The following FANCE variants were observed in gnomAD, a reference collection of about 807,000 sequenced individuals.
FANCE encodes the protein FA complementation group E, also known as Fanconi anemia group E protein.
Under a neutral mutation model 57.8 loss-of-function variants are expected in FANCE, and 42 were observed. The observed-to-expected ratio is 0.73, with a 90% confidence interval of 0.57 to 0.94. FANCE has a LOEUF of 0.94. Ranked by LOEUF, FANCE falls within the 40% of genes least tolerant of loss-of-function variation. FANCE has a pLI of 0.00. For synonymous variants in FANCE, 251 were observed against 286.4 expected, an observed-to-expected ratio of 0.88 and a Z score of 1.25; for missense variants, 608 against 661.8, an observed-to-expected ratio of 0.92 and a Z score of 0.89.
chr6:35,463,577 G>A (rs1438652705), intron 9 of FANCE, among the ~76,000 whole-genome samples: 1 of 151,962 alleles, frequency 6.6e-6, no homozygotes, highest in South Asian at 2.1e-4. Context: ...GGAGCCAGGT[G>A]AGAGGTGTGC....
chr6:35,465,896 TCTC>T (rs1477449649), intron 9 of FANCE, among the ~76,000 whole-genome samples: 1 of 152,174 alleles, frequency 6.6e-6, no homozygotes, highest in African/African-American at 2.4e-5. Context: ...ACCTCAGTTT[TCTC>T]CTCTGTAAAA....
chr6:35,461,261 T>C (rs1004064011), intron 8 of FANCE, among the ~76,000 whole-genome samples: 3 of 152,154 alleles, frequency 2.0e-5, no homozygotes, highest in Non-Finnish European at 4.4e-5. Flanking sequence ...TGGGCTCAAG[T>C]GATCTGCCCT....
Position 35,452,446 on chromosome 6 carries a change from C to T in FANCE, c.-100C>T, listed in dbSNP as rs374493565. Reference sequence around the variant, plus strand: ...AACAGGCGCTGGAGCTGGCCCGCCACCGCCGCGTCAGGGACGGCGCTGGAG... The same window carrying T: ...AACAGGCGCTGGAGCTGGCCCGCCATCGCCGCGTCAGGGACGGCGCTGGAG... On this transcript the variant is annotated 5_prime_UTR_variant, in exon 1 of 10. Coordinates refer to ENST00000229769, the MANE Select transcript of FANCE (RefSeq NM_021922.3). 44 of 1,145,766 alleles carry T rather than the reference C, an allele frequency of 3.8e-5. No individual in the cohort carries two copies. The highest frequency in any genetic ancestry group is 3.2e-4 in the African/African-American group (20 of 62,078). 71.0% of individuals were successfully genotyped at this position (1,145,766 alleles called of 1,614,324 possible). A position where few individuals can be genotyped will look rare whatever the true frequency, so the allele number is the denominator to read the frequency against.
rs571333948 is a variant in FANCE, at chr6:35,457,173, C to G, written c.856-383C>G. 1.2e-4 allele frequency among the ~76,000 whole-genome samples: 18 copies of G among 152,062 alleles called. No homozygotes were observed. In the South Asian group the frequency reaches 3.7e-3, roughly 32 times the overall value. On this transcript the variant is annotated intron_variant, in intron 2 of 9. Coordinates refer to ENST00000229769, the MANE Select transcript of FANCE (RefSeq NM_021922.3). ...CAGGGTCCCTCTCTTCTCCCCCAGG[C>G]TGGGGTGAAGGGGCATGAATATAAC...
chr6:35,465,023 C>T (rs918655563), intron 9 of FANCE, among the ~76,000 whole-genome samples: 4 of 151,902 alleles, frequency 2.6e-5, no homozygotes, highest in South Asian at 2.1e-4. Flanking sequence ...TGTGAGCCAC[C>T]GCGCCTGGCC....
rs529731374 is a variant in FANCE, at chr6:35,464,955, C to T, written c.1510-1289C>T. Among the ~76,000 whole-genome samples the T allele has an allele frequency of 6.6e-5, 10 of 150,806 alleles. No homozygotes were observed. In the East Asian group the frequency reaches 8.0e-4, roughly 12 times the overall value. ...TTCACTGTGTTAGCCAGGATGGTCTCGATCTCCTGACCTTGTGATCCACCC... is the reference window on the plus strand; with the variant it reads ...TTCACTGTGTTAGCCAGGATGGTCTTGATCTCCTGACCTTGTGATCCACCC... On this transcript the variant is annotated intron_variant, in intron 9 of 9. Transcript: ENST00000229769.
intron 9 of FANCE, among the ~76,000 whole-genome samples, chr6:35,463,746 C>G (rs1767689628): frequency 6.6e-6 from 1 of 151,480 alleles, no homozygotes; most frequent in Admixed American, 6.6e-5. Flanking sequence ...ACTGCAACCT[C>G]TGCCTCCTAG....
At chr6:35,454,277 G>A (rs1767233875) in intron 1 of FANCE, among the ~76,000 whole-genome samples, 2 of 152,082 alleles carry the variant, frequency 1.3e-5, no homozygotes, top group South Asian at 2.1e-4. Flanking sequence ...GGCTGGGCTG[G>A]TCTGGAACTC....
At position 35,456,065 on chromosome 6, in the gene FANCE, G is replaced by A. The variant is rs1195051716; in HGVS notation, c.567G>A (p.Glu189=). 4 of 1,613,640 alleles carry A rather than the reference G, an allele frequency of 2.5e-6. No homozygotes were observed. Among genetic ancestry groups the A allele is most frequent in the Non-Finnish European group, 3.4e-6 (4 of 1,179,874 alleles). ...CCCAGGCTCCAGACCCTGAAGAAGA[G>A]GAGAACAGGGACTCCCAGCAGCCTG... ...KSPQAPDPEE[E]ENRDSQQPGK... is the part of the protein sequence containing the mutation. The change falls in exon 2 of 10, where the codon GAG becomes GAA. Residue 189 remains glutamate (E), a synonymous_variant. Transcript: ENST00000229769. The surrounding 1 kb of genome is among the most constrained non-coding windows in gnomAD (Gnocchi z 4.3).
Position 35,452,800 on chromosome 6 carries a change from C to T in FANCE, c.248+7C>T. On this transcript the variant is annotated splice_region_variant and intron_variant, in intron 1 of 9. Transcript: ENST00000229769. The stretch of plus-strand genomic sequence containing the variant: ...CTGACGGCCGTCTGGAGCTGTAAGT[C>T]CTCGCCCGCGGCCCCTTAGCAGGTA... The T allele has an allele frequency of 7.6e-7, 1 of 1,314,010 alleles. No homozygotes were observed. The highest frequency in any genetic ancestry group is 9.8e-7 in the Non-Finnish European group (1 of 1,025,192). 81.4% of individuals were successfully genotyped at this position (1,314,010 alleles called of 1,614,324 possible). A position where few individuals can be genotyped will look rare whatever the true frequency, so the allele number is the denominator to read the frequency against.
rs1767845201 is a variant in FANCE at position 35,466,515 on chromosome 6, CAG to C, written c.*171_*172del. ...GGCTGCATAGGGAATATTGGCTTCC[CAG>C]CCAGCAGGGAGGCTCCTGGGCTAAG... On this transcript the variant is annotated 3_prime_UTR_variant, in exon 10 of 10. Transcript: ENST00000229769. The C allele has an allele frequency of 3.1e-6, 2 of 653,060 alleles. No individual in the cohort carries two copies. Among genetic ancestry groups the C allele is most frequent in the Non-Finnish European group, 5.6e-6 (2 of 358,142 alleles). The allele number at this position is 653,060 out of a possible 1,614,324, so 40.5% of individuals were successfully genotyped here. A position where few individuals can be genotyped will look rare whatever the true frequency, so the allele number is the denominator to read the frequency against.
chr6:35,455,024 A>G (rs1197000577), intron 1 of FANCE, among the ~76,000 whole-genome samples: 1 of 152,168 alleles, frequency 6.6e-6, no homozygotes, highest in Non-Finnish European at 1.5e-5. Context: ...CAGATGACTG[A>G]CCCCGAGAGT....
intron 1 of FANCE, among the ~76,000 whole-genome samples, chr6:35,455,469 G>A (rs1689734255): frequency 6.6e-6 from 1 of 152,006 alleles, no homozygotes; most frequent in Non-Finnish European, 1.5e-5. Flanking sequence ...CACCATGCCC[G>A]TCTAATTTTT....
chr6:35,462,555 T>C (rs537929532), intron 8 of FANCE, among the ~76,000 whole-genome samples: 10 of 152,338 alleles, frequency 6.6e-5, no homozygotes, highest in Non-Finnish European at 1.5e-4. Flanking sequence ...GCCACCATTT[T>C]CTGAGACCTG....
At position 35,466,572 on chromosome 6, in the gene FANCE, C is replaced by A. The variant is rs1457262809; in HGVS notation, c.*227C>A. Reference sequence around the variant, plus strand: ...CTCAGCTATATTTTCTTTTTCATTTCTTTTGTTTTTGAGAGAAGGTATTGC... The same window carrying A: ...CTCAGCTATATTTTCTTTTTCATTTATTTTGTTTTTGAGAGAAGGTATTGC... On this transcript the variant is annotated 3_prime_UTR_variant, in exon 10 of 10. Coordinates refer to ENST00000229769, the MANE Select transcript of FANCE (RefSeq NM_021922.3). 1 of 537,784 alleles carries A rather than the reference C, an allele frequency of 1.9e-6. No homozygotes were observed. The highest frequency in any genetic ancestry group is 3.1e-5 in the Admixed American group (1 of 31,896). The allele number at this position is 537,784 out of a possible 1,614,324, so 33.3% of individuals were successfully genotyped here.
intron 9 of FANCE, among the ~76,000 whole-genome samples, chr6:35,465,346 G>GT (rs762186806): frequency 2.0e-5 from 3 of 151,942 alleles, no homozygotes; most frequent in Non-Finnish European, 4.4e-5. Flanking sequence ...GCTAGTTTTT[G>GT]TATTTTTTAG....
chr6:35,466,438 A>G lies in FANCE; in HGVS notation c.*93A>G. 1.1e-6 allele frequency: 1 copy of G among 880,696 alleles called. No individual in the cohort carries two copies. Among genetic ancestry groups the G allele is most frequent in the Non-Finnish European group, 1.9e-6 (1 of 518,706 alleles). The allele number at this position is 880,696 out of a possible 1,614,324, so 54.6% of individuals were successfully genotyped here. On this transcript the variant is annotated 3_prime_UTR_variant, in exon 10 of 10. Transcript: ENST00000229769. Reference sequence around the variant, plus strand: ...CCACCTTGTCTTGAGCCCTAGCCTGAGGATAAAGGCTGAGCCTGGCCATCC... The same window carrying G: ...CCACCTTGTCTTGAGCCCTAGCCTGGGGATAAAGGCTGAGCCTGGCCATCC...
Position 35,459,770 on chromosome 6 carries a change from C to T in FANCE, c.1316+10C>T, listed in dbSNP as rs200479051. 2.8e-5 allele frequency: 45 copies of T among 1,612,566 alleles called. No homozygotes were observed. The African/African-American group carries it at 5.2e-4, about 19-fold the overall frequency. On this transcript the variant is annotated intron_variant, in intron 7 of 9. Coordinates refer to ENST00000229769, the MANE Select transcript of FANCE (RefSeq NM_021922.3). ...AGGTTCTAATGCTGGGGTGAGTGTG[C>T]AGGCCTCCGTGCTGTCCCCACTGCC...
Position 35,455,966 on chromosome 6 carries a change from G to C in FANCE, c.468G>C (p.Leu156=), listed in dbSNP as rs757788175. The change falls in exon 2 of 10, where the codon CTG becomes CTC. Residue 156 remains leucine (L), a synonymous_variant. Transcript: ENST00000229769. ...VGTSMEGASP[L]SERCQRQLQS... ...CCTCCATGGAGGGAGCTTCTCCACT[G>C]TCTGAAAGATGCCAGAGACAGCTCC... The C allele has an allele frequency of 1.2e-6, 2 of 1,613,748 alleles. No homozygotes were observed. The highest frequency in any genetic ancestry group is 1.7e-6 in the Non-Finnish European group (2 of 1,179,840).
Sources: gnomAD v4.1 joint callset for allele counts (sites outside exome capture counted in the v4.1 genomes callset) on GRCh38, gnomAD v4.1.1 for gene constraint, Gnocchi (gnomAD v3.1) non-coding constraint, MANE v1.5 for transcripts, NCBI Gene and HGNC (gene_info 2026-07-23, HGNC 2026-07-21) for gene names.